The following JAKMIP3 variants were observed in gnomAD, a reference collection of about 807,000 sequenced individuals.
The protein encoded by JAKMIP3 is Janus kinase and microtubule interacting protein 3.
In JAKMIP3, 58 loss-of-function variants were observed where a neutral mutation model predicts 118.5. That is an observed-to-expected ratio of 0.49 (90% CI 0.40 to 0.61). The LOEUF is 0.61. Among genes scored for constraint, JAKMIP3 ranks in the 20% least tolerant of loss-of-function variants. The pLI, the probability that JAKMIP3 is intolerant of heterozygous loss-of-function variation, is 0.00. For synonymous variants in JAKMIP3, 486 were observed against 451.2 expected, an observed-to-expected ratio of 1.08 and a Z score of -0.98; for missense variants, 950 against 1,109.0, an observed-to-expected ratio of 0.86 and a Z score of 2.04.
chr10:132,089,335 CAT>C (rs1366748525), intron 1 of JAKMIP3, among the ~76,000 whole-genome samples: 4 of 152,198 alleles, frequency 2.6e-5, no homozygotes, highest in Non-Finnish European at 4.4e-5. Context: ...ACTTCCTATC[CAT>C]GAGCATGGAA....
At position 132,086,186 on chromosome 10, in the gene JAKMIP3, G is replaced by A. The variant is rs141592419; in HGVS notation, c.-137-18486G>A. On this transcript the variant is annotated intron_variant, in intron 1 of 23. Coordinates refer to ENST00000684848, the MANE Select transcript of JAKMIP3 (RefSeq NM_001323087.2). ...TGTGGTTTTGAAGATTCCTTTTGGA[G>A]TTGATTTCCAGTTTTATTTCACTGT... Among the ~76,000 whole-genome samples, 104 of 152,270 alleles carry A rather than the reference G, an allele frequency of 6.8e-4. 1 individual carries two copies. The highest frequency in any genetic ancestry group is 2.5e-3 in the African/African-American group (102 of 41,550).
intron 1 of JAKMIP3, among the ~76,000 whole-genome samples, chr10:132,037,079 G>T (rs556911876): frequency 6.6e-6 from 1 of 152,380 alleles, no homozygotes; most frequent in Admixed American, 6.5e-5. Flanking sequence ...CGCGGAAAGG[G>T]GCGCCGTGCG....
At chr10:132,037,949 G>A (rs1589993855) in intron 1 of JAKMIP3, among the ~76,000 whole-genome samples, 3 of 152,358 alleles carry the variant, frequency 2.0e-5, no homozygotes, top group South Asian at 4.1e-4. Flanking sequence ...TCTGGAAGAA[G>A]CCGGGAATGT....
chr10:132,175,940 C>T (rs186040976), intron 23 of JAKMIP3, among the ~76,000 whole-genome samples: 1 of 152,370 alleles, frequency 6.6e-6, no homozygotes, highest in East Asian at 1.9e-4. Flanking sequence ...TTAGAAACAG[C>T]TCACCCAAGT....
Position 132,078,059 on chromosome 10 carries a change from G to A in JAKMIP3, c.-138+11998G>A, listed in dbSNP as rs575940069. Among the ~76,000 whole-genome samples the A allele has an allele frequency of 7.2e-5, 11 of 152,304 alleles. No homozygotes were observed. In the East Asian group the frequency reaches 1.5e-3, roughly 21 times the overall value. On this transcript the variant is annotated intron_variant, in intron 1 of 23. Coordinates refer to ENST00000684848, the MANE Select transcript of JAKMIP3 (RefSeq NM_001323087.2). ...ACTCCTGGGCTCAGGTGATCCGCAC[G>A]TCTTGGCCTCCCAAAGTGCTGGGAT...
At chr10:132,085,645 C>T (rs192604126) in intron 1 of JAKMIP3, among the ~76,000 whole-genome samples, 28 of 152,014 alleles carry the variant, frequency 1.8e-4, no homozygotes, top group South Asian at 4.2e-4. Context: ...GGACTACCAG[C>T]GCATGCCACC....
At chr10:132,122,374 CTG>C (rs1172002067) in intron 3 of JAKMIP3, among the ~76,000 whole-genome samples, 4 of 152,264 alleles carry the variant, frequency 2.6e-5, no homozygotes, top group Non-Finnish European at 5.9e-5. Flanking sequence ...ACCAGCCTGA[CTG>C]TGGGTCTTCT....
chr10:132,131,733 C>T (rs2050662449), intron 3 of JAKMIP3, among the ~76,000 whole-genome samples: 1 of 152,020 alleles, frequency 6.6e-6, no homozygotes, highest in South Asian at 2.1e-4. Flanking sequence ...CCTGTTTCAG[C>T]TTTGAACGTC....
chr10:132,110,224 G>A (rs773996570), intron 2 of JAKMIP3, among the ~76,000 whole-genome samples: 19 of 152,226 alleles, frequency 1.2e-4, no homozygotes, highest in Admixed American at 4.6e-4. Context: ...GAATCCAGCC[G>A]TGCTCTGGAA....
rs1216396871 is a variant in JAKMIP3, at chr10:132,112,534, T to C, written c.136-4543T>C. On this transcript the variant is annotated intron_variant, in intron 2 of 23. Coordinates refer to ENST00000684848, the MANE Select transcript of JAKMIP3 (RefSeq NM_001323087.2). The surrounding 1 kb of genome is among the most constrained non-coding windows in gnomAD (Gnocchi z 4.3). ...TCCTTATTTTGTTCAATTGTATTCT[T>C]TTCTTCAGTGTTTTTGTCTACAAAG... Among the ~76,000 whole-genome samples the C allele has an allele frequency of 6.6e-6, 1 of 152,216 alleles. No individual in the cohort carries two copies. Among genetic ancestry groups the C allele is most frequent in the Non-Finnish European group, 1.5e-5 (1 of 68,036 alleles).
At chr10:132,113,923 C>T (rs765612942) in intron 2 of JAKMIP3, among the ~76,000 whole-genome samples, 1 of 152,232 alleles carries the variant, frequency 6.6e-6, no homozygotes, top group Non-Finnish European at 1.5e-5. Context: ...GTTACTGTCC[C>T]GTCCTTCGCC....
chr10:132,041,189 G>A (rs2037734806), intron 1 of JAKMIP3, among the ~76,000 whole-genome samples: 1 of 152,194 alleles, frequency 6.6e-6, no homozygotes, highest in Non-Finnish European at 1.5e-5. Context: ...CCAAGTAGCT[G>A]GGACTACAAG....
chr10:132,079,866 C>T (rs1270057040), intron 1 of JAKMIP3, among the ~76,000 whole-genome samples: 5 of 152,342 alleles, frequency 3.3e-5, no homozygotes, highest in East Asian at 3.9e-4. Flanking sequence ...AAGGCTGAAT[C>T]GTGTTCCATC....
intron 1 of JAKMIP3, among the ~76,000 whole-genome samples, chr10:132,045,933 T>TAAAAAAA (rs5789110): frequency 6.9e-6 from 1 of 144,150 alleles, no homozygotes; most frequent in Non-Finnish European, 1.5e-5. Context: ...GATCCTGTCT[T>TAAAAAAA]AAAAAAAAAA....
At chr10:132,057,466 G>T (rs2038267790) in intron 1 of JAKMIP3, among the ~76,000 whole-genome samples, 1 of 152,340 alleles carries the variant, frequency 6.6e-6, no homozygotes. Flanking sequence ...TCAGAGGCTG[G>T]TTGCACAGGA....
At position 132,125,314 on chromosome 10, in the gene JAKMIP3, GT is replaced by G. The variant is rs373025114; in HGVS notation, c.633+7746del. Among the ~76,000 whole-genome samples, 1,514 of 152,342 alleles carry G rather than the reference GT, an allele frequency of 9.9e-3. 10 individuals carry two copies. Among genetic ancestry groups the G allele is most frequent in the Middle Eastern group, 0.031 (9 of 294 alleles). ...GTGGATATCCAACTATTTCAGGACT[GT>G]TTTTTGAAATGACCGTCCTTTCCCC... On this transcript the variant is annotated intron_variant, in intron 3 of 23. Transcript: ENST00000684848.
chr10:132,070,840 T>C (rs1321226778), intron 1 of JAKMIP3, among the ~76,000 whole-genome samples: 1 of 152,230 alleles, frequency 6.6e-6, no homozygotes, highest in East Asian at 1.9e-4. Flanking sequence ...CTTCTCCAGC[T>C]GACAGCCACG....
chr10:132,110,167 C>T (rs1056218367), intron 2 of JAKMIP3, among the ~76,000 whole-genome samples: 14 of 152,206 alleles, frequency 9.2e-5, no homozygotes, highest in Admixed American at 2.6e-4. Flanking sequence ...CCTGCCCCAC[C>T]GGCCTCCTGT....
At chr10:132,140,309 C>T (rs1167012248) in intron 9 of JAKMIP3, 142 bp from the exon 10 acceptor site, 11 of 1,235,016 alleles carry the variant, frequency 8.9e-6, no homozygotes, top group African/African-American at 4.5e-5. Flanking sequence ...GCCACCTCCT[C>T]GGCCTGTGCC....
Sources: gnomAD v4.1 joint callset for allele counts (sites outside exome capture counted in the v4.1 genomes callset) on GRCh38, gnomAD v4.1.1 for gene constraint, Gnocchi (gnomAD v3.1) non-coding constraint, MANE v1.5 for transcripts, NCBI Gene and HGNC (gene_info 2026-07-23, HGNC 2026-07-21) for gene names.